VRK2: variants seen among roughly 807,000 people sequenced by gnomAD.
VRK2 encodes serine/threonine-protein kinase VRK2.
VRK2 carries 60 observed loss-of-function variants against 57.6 expected under a neutral mutation model. The observed-to-expected ratio is 1.04, with a 90% CI of 0.85 to 1.29. The LOEUF (loss-of-function observed/expected upper bound fraction) is 1.29. Among genes scored for constraint, VRK2 ranks in the 50% most tolerant of loss-of-function variants. The pLI is 0.00. For missense variants in VRK2, 705 were observed against 588.1 expected (o/e 1.20, Z -2.06); for synonymous variants, 231 against 199.2 (o/e 1.16, Z -1.35).
intron 7 of VRK2, among the ~76,000 whole-genome samples, chr2:58,116,436 T>A (rs186389266): frequency 0.01 from 1,565 of 151,868 alleles, 23 homozygotes; most frequent in African/African-American, 0.035. Flanking sequence ...AAAAGAGTGC[T>A]TAAAAGAGTA....
chr2:58,074,812 T>C (rs1317017137), intron 2 of VRK2, among the ~76,000 whole-genome samples: 1 of 152,114 alleles, frequency 6.6e-6, no homozygotes, highest in East Asian at 1.9e-4. Context: ...GTGGGTCTAC[T>C]GTTGATGTGC....
chr2:58,148,424 A>G (rs1487975095), intron 12 of VRK2, among the ~76,000 whole-genome samples: 1 of 151,822 alleles, frequency 6.6e-6, no homozygotes, highest in Non-Finnish European at 1.5e-5. Context: ...TGTATTATGG[A>G]TATCCTCTCC....
chr2:57,941,278 CATAT>C (rs1671085272), intron 1 of VRK2, among the ~76,000 whole-genome samples: 1 of 152,112 alleles, frequency 6.6e-6, no homozygotes, highest in African/African-American at 2.4e-5. Flanking sequence ...TGTTAAAAAA[CATAT>C]TAAGAGTGAC....
chr2:57,920,834 G>A (rs948050609), intron 1 of VRK2, among the ~76,000 whole-genome samples: 2 of 152,066 alleles, frequency 1.3e-5, no homozygotes, highest in Non-Finnish European at 2.9e-5. Flanking sequence ...CTGGGTGTAG[G>A]TGGCTGCCTC....
At chr2:58,045,849 T>C (rs1432977881), upstream of VRK2, among the ~76,000 whole-genome samples, 1 of 152,206 alleles carries the variant, frequency 6.6e-6, no homozygotes, top group East Asian at 1.9e-4. Context: ...GAGTCTTTTT[T>C]TTCTTTCCTT....
At chr2:58,023,756 C>G (rs377757216) in intron 1 of VRK2, among the ~76,000 whole-genome samples, 1 of 151,938 alleles carries the variant, frequency 6.6e-6, no homozygotes, top group African/African-American at 2.4e-5. Flanking sequence ...TGTTTCTAGG[C>G]CTTTAAGATA....
intron 1 of VRK2, among the ~76,000 whole-genome samples, chr2:58,010,385 C>CT (rs1215888473): frequency 1.3e-5 from 2 of 152,036 alleles, no homozygotes; most frequent in Non-Finnish European, 2.9e-5. Context: ...AAAAAAATTT[C>CT]TTTAGAGTAC....
At chr2:58,091,398 AT>A (rs1672357019) in intron 7 of VRK2, among the ~76,000 whole-genome samples, 1 of 152,172 alleles carries the variant, frequency 6.6e-6, no homozygotes, top group South Asian at 2.1e-4. Context: ...TCTCTAAAAA[AT>A]ATAGTCTGTT....
chr2:58,143,571 T>A (rs906067608), intron 11 of VRK2, among the ~76,000 whole-genome samples: 1 of 151,910 alleles, frequency 6.6e-6, no homozygotes, highest in Non-Finnish European at 1.5e-5. Flanking sequence ...TTCCAGGAAC[T>A]TTCACAGAGG....
intron 7 of VRK2, among the ~76,000 whole-genome samples, chr2:58,091,965 G>A (rs1334404307): frequency 6.6e-6 from 1 of 152,116 alleles, no homozygotes; most frequent in Non-Finnish European, 1.5e-5. Flanking sequence ...TAAATTAAAT[G>A]GTATAAGAAA....
intron 1 of VRK2, among the ~76,000 whole-genome samples, chr2:58,004,018 T>A (rs1170669577): frequency 6.6e-6 from 1 of 152,164 alleles, no homozygotes; most frequent in Non-Finnish European, 1.5e-5. Flanking sequence ...TATTAGGAAA[T>A]GCTTTCTCTC....
At chr2:57,915,200 A>G (rs2103891888) in intron 1 of VRK2, among the ~76,000 whole-genome samples, 1 of 152,312 alleles carries the variant, frequency 6.6e-6, no homozygotes, top group South Asian at 2.1e-4. Flanking sequence ...TTGAAAATGT[A>G]TTGAAAACTA....
At chr2:57,969,875 T>A (rs1672038431) in intron 1 of VRK2, among the ~76,000 whole-genome samples, 1 of 152,004 alleles carries the variant, frequency 6.6e-6, no homozygotes, top group African/African-American at 2.4e-5. Context: ...TCAAACATGT[T>A]TTCTGTCCAT....
chr2:57,942,565 G>T (rs1260447506), intron 1 of VRK2, among the ~76,000 whole-genome samples: 1 of 135,724 alleles, frequency 7.4e-6, no homozygotes, highest in Non-Finnish European at 1.7e-5. Context: ...TTCTATGGTG[G>T]GTTTATGTGT....
chr2:58,098,838 T>A (rs1249608119), intron 7 of VRK2, among the ~76,000 whole-genome samples: 1 of 152,094 alleles, frequency 6.6e-6, no homozygotes, highest in East Asian at 1.9e-4. Context: ...TTTAACTAAC[T>A]TTTTGGTCAT....
rs184338377 is a variant in VRK2 at position 58,076,762 on chromosome 2, C to A, written c.137-7327C>A. 1.3e-3 allele frequency among the ~76,000 whole-genome samples: 191 copies of A among 151,838 alleles called. 1 individual carries two copies. The highest frequency in any genetic ancestry group is 0.012 in the East Asian group (63 of 5,158). On this transcript the variant is annotated intron_variant, in intron 2 of 12. Coordinates refer to ENST00000340157, the MANE Select transcript of VRK2 (RefSeq NM_006296.7). Reference sequence around the variant, plus strand: ...TTTTGCTCTCTTTCCAGTACTCGCACAATTTTGTAAGAGGATTGTTACCTT... The same window carrying A: ...TTTTGCTCTCTTTCCAGTACTCGCAAAATTTTGTAAGAGGATTGTTACCTT...
At chr2:58,071,979 TTGTA>T (rs1286584319) in intron 2 of VRK2, among the ~76,000 whole-genome samples, 2 of 151,972 alleles carry the variant, frequency 1.3e-5, no homozygotes, top group African/African-American at 4.8e-5. Flanking sequence ...TTTTCCTCAT[TTGTA>T]TGTATTTTGT....
intron 1 of VRK2, among the ~76,000 whole-genome samples, chr2:57,999,568 A>G (rs1372374861): frequency 6.6e-6 from 1 of 152,132 alleles, no homozygotes; most frequent in Non-Finnish European, 1.5e-5. Flanking sequence ...TGAACTTTTG[A>G]GCCTATAAAA....
chr2:58,039,857 AT>A (rs1674390734), intron 3 of VRK2, among the ~76,000 whole-genome samples: 1 of 151,316 alleles, frequency 6.6e-6, no homozygotes, highest in Admixed American at 6.6e-5. Flanking sequence ...TTACTTCTTG[AT>A]ATTTTCTTAA....
Sources: allele counts gnomAD v4.1 joint callset (sites outside exome capture counted in the v4.1 genomes callset), GRCh38; gene constraint gnomAD v4.1.1; transcripts MANE v1.5; gene names NCBI Gene and HGNC (gene_info 2026-07-23, HGNC 2026-07-21).